ANXA2: variants seen among roughly 807,000 people sequenced by gnomAD.
ANXA2 encodes annexin A2.
ANXA2 carries 28 observed loss-of-function variants against 47.3 expected under a neutral mutation model. The ratio of observed to expected loss-of-function variants is 0.59; its 90% CI spans 0.44 to 0.81. ANXA2 has a LOEUF of 0.81. Among genes scored for constraint, ANXA2 ranks in the 40% least tolerant of loss-of-function variants. ANXA2 has a pLI of 0.00. For missense variants in ANXA2, 384 were observed against 414.3 expected (o/e 0.93, Z 0.64); for synonymous variants, 172 against 155.5 (o/e 1.11, Z -0.79).
chr15:60,374,044 GCA>G (rs1459585013), intron 3 of ANXA2, among the ~76,000 whole-genome samples: 1 of 152,200 alleles, frequency 6.6e-6, no homozygotes, highest in East Asian at 1.9e-4. Context: ...CACAGCTGGG[GCA>G]CACAGTCTCA....
At chr15:60,373,048 T>G (rs1266888075) in intron 3 of ANXA2, among the ~76,000 whole-genome samples, 1 of 152,294 alleles carries the variant, frequency 6.6e-6, no homozygotes, top group African/African-American at 2.4e-5. Context: ...CTCAGTGCAT[T>G]AAAAGTTTAG....
At position 60,375,542 on chromosome 15, in the gene ANXA2, A is replaced by T. The variant is rs532874099; in HGVS notation, c.148+6800T>A. Among the ~76,000 whole-genome samples the T allele has an allele frequency of 3.9e-5, 6 of 152,352 alleles. No individual in the cohort carries two copies. The South Asian group carries it at 1.2e-3, about 32-fold the overall frequency. On this transcript the variant is annotated intron_variant, in intron 3 of 12. Transcript: ENST00000451270. ...ATCGTATATATTTAACCCAAGGCCA[A>T]TCTAAACCAAGAGACTCCTACAGAT... is the stretch of plus-strand genomic sequence containing the variant.
At chr15:60,358,843 T>C (rs151196031) in intron 5 of ANXA2, among the ~76,000 whole-genome samples, 2 of 152,256 alleles carry the variant, frequency 1.3e-5, no homozygotes, top group African/African-American at 2.4e-5. Flanking sequence ...CCTGACATTG[T>C]AGAATTGCAA....
At chr15:60,393,519 T>A (rs967822208) in intron 1 of ANXA2, 1 of 990,894 alleles carries the variant, frequency 1.0e-6, no homozygotes, top group East Asian at 1.1e-4. Context: ...ATATCTTCTA[T>A]ACACACACAC....
chr15:60,347,307 TG>T lies in ANXA2; in HGVS notation c.*322del, dbSNP rs1895760148. On this transcript the variant is annotated 3_prime_UTR_variant, in exon 13 of 13. Coordinates refer to ENST00000451270, the MANE Select transcript of ANXA2 (RefSeq NM_004039.3). ...ACGTTTAATTTTCAAACAATTCAGT[TG>T]AAAGCAGGGCCACAAAGTACGTGTT... The T allele has an allele frequency of 2.7e-6, 1 of 364,112 alleles. No homozygotes were observed. The highest frequency in any genetic ancestry group is 2.1e-5 in the African/African-American group (1 of 48,482). 22.6% of individuals were successfully genotyped at this position (364,112 alleles called of 1,614,324 possible).
chr15:60,375,658 C>T (rs1159819174), intron 3 of ANXA2, among the ~76,000 whole-genome samples: 5 of 152,166 alleles, frequency 3.3e-5, no homozygotes, highest in South Asian at 2.1e-4. Context: ...TAAGGTAAGT[C>T]GTTGCATAGT....
chr15:60,357,497 T>G (rs2123832), intron 5 of ANXA2, among the ~76,000 whole-genome samples: 3 of 152,000 alleles, frequency 2.0e-5, no homozygotes, highest in Non-Finnish European at 2.9e-5. Context: ...TTTTTTTTTT[T>G]AAGTAGTGAA....
rs1040991635 is a variant in ANXA2, at chr15:60,382,444, G to T, written c.49-3C>A. 1.3e-6 allele frequency: 2 copies of T among 1,595,386 alleles called. No individual in the cohort carries two copies. Among genetic ancestry groups the T allele is most frequent in the Non-Finnish European group, 1.7e-6 (2 of 1,164,098 alleles). The stretch of plus-strand genomic sequence containing the variant: ...TATGCACTTGGGGGTGTAGAGTGCT[G>T]AGGTTAAAAGATAAACATACTCAAA... On this transcript the variant is annotated splice_region_variant and splice_polypyrimidine_tract_variant and intron_variant, in intron 2 of 12. Transcript: ENST00000451270.
intron 11 of ANXA2, among the ~76,000 whole-genome samples, chr15:60,350,954 C>G (rs923235142): frequency 1.3e-5 from 2 of 152,230 alleles, no homozygotes; most frequent in Non-Finnish European, 1.5e-5. Flanking sequence ...CGCATTTTCT[C>G]TCTCCCATGG....
chr15:60,390,016 G>C (rs1241688121), intron 1 of ANXA2, among the ~76,000 whole-genome samples: 1 of 152,190 alleles, frequency 6.6e-6, no homozygotes, highest in African/African-American at 2.4e-5. Context: ...GCAGTAGAAA[G>C]TATATGGTTG....
intron 2 of ANXA2, among the ~76,000 whole-genome samples, chr15:60,385,322 C>A (rs921438067): frequency 3.1e-4 from 47 of 152,184 alleles, no homozygotes; most frequent in African/African-American, 1.1e-3. Flanking sequence ...AATCCCAGCA[C>A]TTTGGGAGGC....
intron 1 of ANXA2, chr15:60,390,683 G>C (rs1224524427): frequency 8.7e-6 from 2 of 229,204 alleles, no homozygotes. Context: ...CCAGTTCTAA[G>C]CATCATCTTT....
chr15:60,365,121 A>T (rs1429056535), intron 3 of ANXA2, among the ~76,000 whole-genome samples: 2 of 148,380 alleles, frequency 1.3e-5, no homozygotes, highest in Non-Finnish European at 3.0e-5. Flanking sequence ...TGTAAGGAAA[A>T]TAAACGTTCC....
chr15:60,393,754 CATGTGTAAAGT>C, intron 1 of ANXA2: 1 of 910,032 alleles, frequency 1.1e-6, no homozygotes, highest in Non-Finnish European at 1.3e-6. Flanking sequence ...ATTAGAGTTA[CATGTGTAAAGT>C]CTGTCTTCCG....
At chr15:60,393,767 TG>T in intron 1 of ANXA2, 3 of 865,332 alleles carry the variant, frequency 3.5e-6, no homozygotes, top group Non-Finnish European at 4.2e-6. Context: ...GTGTAAAGTC[TG>T]TCTTCCGTAT....
At chr15:60,361,851 T>A (rs572775145) in intron 4 of ANXA2, among the ~76,000 whole-genome samples, 1 of 152,092 alleles carries the variant, frequency 6.6e-6, no homozygotes, top group Non-Finnish European at 1.5e-5. Context: ...CTAAACTTCC[T>A]ACAAATCATG....
At chr15:60,362,472 G>A (rs8029375) in intron 4 of ANXA2, among the ~76,000 whole-genome samples, 118,976 of 152,048 alleles carry the variant, frequency 0.78, 46,876 homozygotes, top group African/African-American at 0.85. Flanking sequence ...CGCATCTGGC[G>A]TCTGCTAGAA....
chr15:60,356,957 A>G (rs527394635), intron 6 of ANXA2, among the ~76,000 whole-genome samples, 189 bp downstream of exon 6: 1 of 152,326 alleles, frequency 6.6e-6, no homozygotes, highest in Admixed American at 6.5e-5. Context: ...TAATAATCAA[A>G]ATGCAGGCAA....
intron 3 of ANXA2, among the ~76,000 whole-genome samples, chr15:60,376,166 T>C (rs1595693463): frequency 6.7e-6 from 1 of 150,220 alleles, no homozygotes; most frequent in South Asian, 2.1e-4. Flanking sequence ...TCACCTGAGG[T>C]CAGGAGCTCA....
Sources: allele counts gnomAD v4.1 joint callset (sites outside exome capture counted in the v4.1 genomes callset), GRCh38; gene constraint gnomAD v4.1.1; transcripts MANE v1.5; gene names NCBI Gene and HGNC (gene_info 2026-07-23, HGNC 2026-07-21).